MYO1D: variants seen among roughly 807,000 people sequenced by gnomAD.
MYO1D encodes unconventional myosin-Id.
In MYO1D, 83 loss-of-function variants were observed where a neutral mutation model predicts 122.0. The ratio of observed to expected loss-of-function variants is 0.68; its 90% CI spans 0.57 to 0.82. MYO1D has a LOEUF of 0.82. Ranked by LOEUF, MYO1D falls within the 40% of genes least tolerant of loss-of-function variation. The pLI, the probability that MYO1D is intolerant of heterozygous loss-of-function variation, is 0.00. For synonymous variants in MYO1D, 464 were observed against 446.9 expected (o/e 1.04, Z -0.48); for missense variants, 1,157 against 1,269.5 (o/e 0.91, Z 1.35).
intron 19 of MYO1D, among the ~76,000 whole-genome samples, chr17:32,647,396 T>C (rs1251407565): frequency 2.0e-5 from 3 of 152,174 alleles, no homozygotes; most frequent in Non-Finnish European, 4.4e-5. Flanking sequence ...AACTTGGAAA[T>C]ACAGGGACAT....
chr17:32,527,187 C>G (rs1910371338), intron 21 of MYO1D, among the ~76,000 whole-genome samples: 1 of 152,210 alleles, frequency 6.6e-6, no homozygotes. Flanking sequence ...ATCCAACTTT[C>G]TGCTTTAAAA....
chr17:32,519,274 G>C (rs1910014030), intron 21 of MYO1D: 1 of 152,326 alleles, frequency 6.6e-6, no homozygotes, highest in Admixed American at 6.5e-5. Flanking sequence ...GCCAGGCACT[G>C]GGCAGGCCGG....
At chr17:32,524,551 T>A (rs1334236992) in intron 21 of MYO1D, among the ~76,000 whole-genome samples, 1 of 149,084 alleles carries the variant, frequency 6.7e-6, no homozygotes, top group Non-Finnish European at 1.5e-5. Flanking sequence ...GGTGCCATCA[T>A]GCCTGATTAA....
intron 20 of MYO1D, among the ~76,000 whole-genome samples, chr17:32,612,665 C>T (rs1305554463): frequency 9.5e-6 from 1 of 105,588 alleles, no homozygotes; most frequent in East Asian, 2.8e-4. Flanking sequence ...GCCTGGGTGA[C>T]AGAGTGAGAC....
intron 21 of MYO1D, among the ~76,000 whole-genome samples, chr17:32,549,670 C>G (rs1279807652): frequency 6.6e-6 from 1 of 152,218 alleles, no homozygotes; most frequent in Non-Finnish European, 1.5e-5. Context: ...CTGCTTCAGT[C>G]TGGGAACTAC....
At chr17:32,525,360 T>C (rs1910305317) in intron 21 of MYO1D, among the ~76,000 whole-genome samples, 1 of 152,274 alleles carries the variant, frequency 6.6e-6, no homozygotes, top group African/African-American at 2.4e-5. Flanking sequence ...GGTCGCCACA[T>C]GGCATGCAGC....
intron 21 of MYO1D, among the ~76,000 whole-genome samples, chr17:32,584,515 T>C (rs2087369128): frequency 6.6e-6 from 1 of 151,932 alleles, no homozygotes; most frequent in South Asian, 2.1e-4. Context: ...TTTTTTTTTT[T>C]CGAGCCAGGG....
At chr17:32,777,555 C>T (rs973889243) in intron 3 of MYO1D, among the ~76,000 whole-genome samples, 1 of 152,180 alleles carries the variant, frequency 6.6e-6, no homozygotes, top group Non-Finnish European at 1.5e-5. Flanking sequence ...GTGCCAGCTG[C>T]TCCCCTAAAT....
chr17:32,746,864 CG>C (rs2089843518), intron 12 of MYO1D, among the ~76,000 whole-genome samples: 1 of 152,172 alleles, frequency 6.6e-6, no homozygotes, highest in Non-Finnish European at 1.5e-5. Flanking sequence ...TGTGGCATTG[CG>C]TAAGAACTTT....
intron 21 of MYO1D, among the ~76,000 whole-genome samples, chr17:32,508,980 G>A (rs1393983281): frequency 6.6e-6 from 1 of 152,194 alleles, no homozygotes; most frequent in Non-Finnish European, 1.5e-5. Context: ...TAGAAAGAAT[G>A]AATTTTTATA....
At chr17:32,516,510 A>G (rs1909896247) in intron 21 of MYO1D, among the ~76,000 whole-genome samples, 1 of 152,324 alleles carries the variant, frequency 6.6e-6, no homozygotes, top group Middle Eastern at 3.4e-3. Context: ...CCTGCCTGCC[A>G]TGAAGAGTCC....
chr17:32,707,673 C>T (rs1018942289), intron 16 of MYO1D, among the ~76,000 whole-genome samples: 5 of 152,200 alleles, frequency 3.3e-5, no homozygotes, highest in Non-Finnish European at 4.4e-5. Context: ...CAGCTCCCTA[C>T]GTTGATACAA....
At chr17:32,548,871 G>T (rs940364156) in intron 21 of MYO1D, among the ~76,000 whole-genome samples, 45 of 151,602 alleles carry the variant, frequency 3.0e-4, no homozygotes, top group African/African-American at 1.1e-3. Context: ...GCACCACCGC[G>T]CCTAGCTAAT....
intron 21 of MYO1D, among the ~76,000 whole-genome samples, chr17:32,558,464 A>G (rs763553266): frequency 9.2e-5 from 14 of 152,234 alleles, no homozygotes; most frequent in Non-Finnish European, 1.6e-4. Flanking sequence ...ATGCACTGCT[A>G]TCATCACATG....
At chr17:32,610,682 CA>C (rs534472355) in intron 20 of MYO1D, among the ~76,000 whole-genome samples, 1 of 152,018 alleles carries the variant, frequency 6.6e-6, no homozygotes, top group Non-Finnish European at 1.5e-5. Context: ...AGTAAATAAG[CA>C]AAAAAACCCT....
At chr17:32,579,685 A>G (rs1362953783) in intron 21 of MYO1D, among the ~76,000 whole-genome samples, 1 of 152,152 alleles carries the variant, frequency 6.6e-6, no homozygotes, top group African/African-American at 2.4e-5. Flanking sequence ...TCTCCATCCC[A>G]ACAATGACTG....
chr17:32,822,500 CGCGCCGCT>C (rs2090677777), intron 1 of MYO1D, among the ~76,000 whole-genome samples: 1 of 141,186 alleles, frequency 7.1e-6, no homozygotes, highest in Non-Finnish European at 1.5e-5. Context: ...CCCCGGTCGG[CGCGCCGCT>C]TCTTCGGTTC....
At chr17:32,559,499 A>G (rs1482558563) in intron 21 of MYO1D, among the ~76,000 whole-genome samples, 3 of 152,246 alleles carry the variant, frequency 2.0e-5, no homozygotes, top group Non-Finnish European at 2.9e-5. Flanking sequence ...AATAAGGCAC[A>G]TGCTCAGCTG....
At chr17:32,629,974 G>C (rs2087982638) in intron 20 of MYO1D, among the ~76,000 whole-genome samples, 1 of 152,204 alleles carries the variant, frequency 6.6e-6, no homozygotes, top group African/African-American at 2.4e-5. Context: ...GTGCAAGCCA[G>C]GTTTCTCACT....
Sources: allele counts gnomAD v4.1 joint callset (sites outside exome capture counted in the v4.1 genomes callset), GRCh38; gene constraint gnomAD v4.1.1; transcripts MANE v1.5; gene names NCBI Gene and HGNC (gene_info 2026-07-23, HGNC 2026-07-21).